ATXN1: variants seen among roughly 807,000 people sequenced by gnomAD.
ATXN1 encodes ataxin-1.
A neutral mutation model predicts 56.4 loss-of-function variants in ATXN1; 8 were observed. The observed-to-expected ratio is 0.14, with a 90% CI of 0.08 to 0.26. ATXN1 has a LOEUF of 0.26. Ranked by LOEUF, ATXN1 falls within the 10% of genes least tolerant of loss-of-function variation. The probability of loss-of-function intolerance (pLI) is 1.00; values close to 1 mark genes in which losing one functional copy is unlikely to be tolerated. For synonymous variants in ATXN1, 514 were observed against 494.6 expected (o/e 1.04, Z -0.52); for missense variants, 987 against 1,106.5 (o/e 0.89, Z 1.53).
chr6:16,388,065 G>A (rs9477112), intron 6 of ATXN1, among the ~76,000 whole-genome samples: 17,878 of 152,222 alleles, frequency 0.12, 1,113 homozygotes, highest in African/African-American at 0.14. Flanking sequence ...ATCATTAAAC[G>A]ACAATCTTGG....
At chr6:16,719,529 G>C (rs1759705283) in intron 2 of ATXN1, among the ~76,000 whole-genome samples, 1 of 152,148 alleles carries the variant, frequency 6.6e-6, no homozygotes, top group Admixed American at 6.5e-5. Context: ...TGCCAGTCAG[G>C]GCTATAGGGC....
At chr6:16,607,107 C>T (rs1198289351) in intron 3 of ATXN1, among the ~76,000 whole-genome samples, 2 of 120,602 alleles carry the variant, frequency 1.7e-5, no homozygotes, top group African/African-American at 5.8e-5. Flanking sequence ...CTCCTGACCT[C>T]AGGTGATCCA....
rs73728008 is a variant in ATXN1 at position 16,565,187 on chromosome 6, C to T, written c.-361+20593G>A. Among the ~76,000 whole-genome samples, 1,189 of 152,252 alleles carry T rather than the reference C, an allele frequency of 7.8e-3. 19 individuals are homozygous for T. Among genetic ancestry groups the T allele is most frequent in the African/African-American group, 0.027 (1,120 of 41,548 alleles). ...CTTTAAAGTGGACAGGTCTTTCATA[C>T]CTAGTTTGAAGTTTATGAAAAAGAA... On this transcript the variant is annotated intron_variant, in intron 4 of 7. Coordinates refer to ENST00000436367, the MANE Select transcript of ATXN1 (RefSeq NM_001128164.2).
intron 6 of ATXN1, among the ~76,000 whole-genome samples, chr6:16,481,352 G>A (rs1451937330): frequency 6.6e-6 from 1 of 152,054 alleles, no homozygotes; most frequent in African/African-American, 2.4e-5. Context: ...GACAGACACA[G>A]AGGGAAATTC....
At chr6:16,753,511 C>G (rs1760790451) in intron 1 of ATXN1, among the ~76,000 whole-genome samples, 164 bp from the exon 2 acceptor site, 1 of 152,312 alleles carries the variant, frequency 6.6e-6, no homozygotes, top group East Asian at 1.9e-4. Flanking sequence ...TCCCAGCCAG[C>G]TCAAAAGGCA....
chr6:16,617,377 A>AT (rs1396772221), intron 3 of ATXN1, among the ~76,000 whole-genome samples: 6 of 152,190 alleles, frequency 3.9e-5, no homozygotes, highest in Non-Finnish European at 7.3e-5. Flanking sequence ...AAATTAGTCT[A>AT]TGTACACATG....
At chr6:16,458,752 C>A (rs1017107963) in intron 6 of ATXN1, among the ~76,000 whole-genome samples, 3 of 152,212 alleles carry the variant, frequency 2.0e-5, no homozygotes, top group African/African-American at 7.2e-5. Context: ...CAACAAGAAA[C>A]AAGCTACTCC....
At chr6:16,590,655 C>T (rs1762705357) in intron 3 of ATXN1, among the ~76,000 whole-genome samples, 1 of 151,764 alleles carries the variant, frequency 6.6e-6, no homozygotes, top group Non-Finnish European at 1.5e-5. Flanking sequence ...TATAAAAATA[C>T]TAAATTCATA....
At chr6:16,481,703 T>C (rs1760443377) in intron 6 of ATXN1, among the ~76,000 whole-genome samples, 1 of 152,164 alleles carries the variant, frequency 6.6e-6, no homozygotes. Context: ...GGGTTTCATT[T>C]GTACCAGCAC....
chr6:16,612,889 T>TAAAA (rs754223145), intron 3 of ATXN1, among the ~76,000 whole-genome samples: 1 of 129,514 alleles, frequency 7.7e-6, no homozygotes, highest in East Asian at 2.2e-4. Context: ...GACTCTGTCT[T>TAAAA]AAAAAAAAAA....
In ATXN1 at chr6:16,328,439, T is replaced by C. The variant is rs2113415567; in HGVS notation, c.-129A>G. The C allele has an allele frequency of 1.5e-6, 2 of 1,330,548 alleles. No homozygotes were observed. The highest frequency in any genetic ancestry group is 5.3e-5 in the East Asian group (2 of 37,406). The allele number at this position is 1,330,548 out of a possible 1,614,324, so 82.4% of individuals were successfully genotyped here. On this transcript the variant is annotated 5_prime_UTR_variant, in exon 7 of 8. Coordinates refer to ENST00000436367, the MANE Select transcript of ATXN1 (RefSeq NM_001128164.2). This position sits in a 1 kb window ranked among gnomAD's most constrained non-coding sequence, Gnocchi z 6.2. ...CTCTTCATGAGGAATCATCTCCCCG[T>C]GGGTACAATCCGCCAACAGCAGCTC... is the stretch of plus-strand genomic sequence containing the variant.
intron 7 of ATXN1, among the ~76,000 whole-genome samples, chr6:16,323,817 G>A (rs1332306031): frequency 2.6e-5 from 4 of 152,132 alleles, no homozygotes; most frequent in African/African-American, 7.2e-5. Flanking sequence ...TTTGCTCAAG[G>A]TAGTTCATTT....
chr6:16,552,452 TAGC>T (rs1761938555), intron 4 of ATXN1, among the ~76,000 whole-genome samples: 1 of 152,230 alleles, frequency 6.6e-6, no homozygotes, highest in East Asian at 1.9e-4. Context: ...AACGTTACGT[TAGC>T]AGAGAGAAGA....
intron 3 of ATXN1, among the ~76,000 whole-genome samples, chr6:16,595,767 T>A (rs4716084): frequency 0.52 from 78,422 of 151,996 alleles, 23,752 homozygotes; most frequent in Non-Finnish European, 0.67. Flanking sequence ...ACAAGCAACA[T>A]ATGCTATTAA....
chr6:16,392,043 G>A (rs1219925900), intron 6 of ATXN1, among the ~76,000 whole-genome samples: 2 of 152,328 alleles, frequency 1.3e-5, no homozygotes, highest in East Asian at 1.9e-4. Flanking sequence ...ACAGAGCTGG[G>A]TGGCAGAAAC....
rs568838348 is a variant in ATXN1, at chr6:16,341,078, T to C, written c.-160-12608A>G. On this transcript the variant is annotated intron_variant, in intron 6 of 7. Coordinates refer to ENST00000436367, the MANE Select transcript of ATXN1 (RefSeq NM_001128164.2). ...AGCCCACTGAGTGAAATTGACTTAC[T>C]AGAAATCTACCATAGAATACTGAAC... Among the ~76,000 whole-genome samples the C allele has an allele frequency of 7.2e-5, 11 of 152,350 alleles. No homozygotes were observed. In the South Asian group the frequency reaches 2.1e-3, roughly 29 times the overall value.
chr6:16,546,232 C>T (rs1275019165), intron 4 of ATXN1, among the ~76,000 whole-genome samples: 5 of 152,206 alleles, frequency 3.3e-5, no homozygotes, highest in African/African-American at 1.2e-4. Context: ...TCAACAGTGA[C>T]AAACCATGGC....
At chr6:16,657,397 T>A (rs372227043) in intron 3 of ATXN1, among the ~76,000 whole-genome samples, 1 of 152,218 alleles carries the variant, frequency 6.6e-6, no homozygotes, top group South Asian at 2.1e-4. Context: ...AAACTTGCCA[T>A]TAAATTGAAT....
intron 5 of ATXN1, among the ~76,000 whole-genome samples, chr6:16,493,496 T>C (rs1265039788): frequency 7.9e-5 from 12 of 151,494 alleles, no homozygotes; most frequent in Admixed American, 7.2e-4. Flanking sequence ...TGAATGCCTA[T>C]GGTTTTAAAA....
Sources: gnomAD v4.1 joint callset for allele counts (sites outside exome capture counted in the v4.1 genomes callset) on GRCh38, gnomAD v4.1.1 for gene constraint, Gnocchi (gnomAD v3.1) non-coding constraint, MANE v1.5 for transcripts, NCBI Gene and HGNC (gene_info 2026-07-23, HGNC 2026-07-21) for gene names.